RARB: variants seen among roughly 807,000 people sequenced by gnomAD.
RARB encodes the protein retinoic acid receptor beta.
RARB carries 17 observed loss-of-function variants against 51.9 expected under a neutral mutation model. The ratio of observed to expected loss-of-function variants is 0.33; its 90% CI spans 0.22 to 0.49. The LOEUF is 0.49. RARB is among the 20% of genes least tolerant of loss of function. RARB has a pLI of 0.99. For synonymous variants in RARB, 215 were observed against 195.4 expected, an observed-to-expected ratio of 1.10 and a Z score of -0.84; for missense variants, 369 against 550.8, an observed-to-expected ratio of 0.67 and a Z score of 3.30.
intron 3 of RARB, among the ~76,000 whole-genome samples, chr3:25,565,233 C>A (rs1442068179): frequency 6.6e-6 from 1 of 152,184 alleles, no homozygotes; most frequent in East Asian, 1.9e-4. Flanking sequence ...TGGCCTCAGG[C>A]AGGGTACTCA....
chr3:25,094,219 A>T (rs538157699), intron 3 of RARB, among the ~76,000 whole-genome samples: 1 of 152,184 alleles, frequency 6.6e-6, no homozygotes, highest in Non-Finnish European at 1.5e-5. Context: ...TTTCCAGCTT[A>T]TCCACTGTTA....
chr3:25,503,364 C>T (rs180758972), intron 3 of RARB, among the ~76,000 whole-genome samples: 8 of 152,266 alleles, frequency 5.3e-5, no homozygotes, highest in Admixed American at 4.6e-4. Flanking sequence ...AATTTCAGTT[C>T]AGGCTGAAAT....
At chr3:24,954,852 A>T (rs1695974066) in intron 2 of RARB, among the ~76,000 whole-genome samples, 2 of 152,008 alleles carry the variant, frequency 1.3e-5, no homozygotes, top group African/African-American at 4.8e-5. Flanking sequence ...AGGAGCTCAA[A>T]CTCCTTGCAG....
chr3:24,914,010 G>GGT (rs1695055345), intron 2 of RARB, among the ~76,000 whole-genome samples: 1 of 152,160 alleles, frequency 6.6e-6, no homozygotes, highest in Admixed American at 6.5e-5. Flanking sequence ...AGATGCAAAA[G>GGT]GTAGCCACAG....
At chr3:24,909,092 A>G (rs1032498442) in intron 2 of RARB, among the ~76,000 whole-genome samples, 9 of 152,114 alleles carry the variant, frequency 5.9e-5, no homozygotes, top group Non-Finnish European at 1.0e-4. Context: ...ACCCTAGGAG[A>G]CAGGTTATTA....
intron 5 of RARB, among the ~76,000 whole-genome samples, chr3:25,178,166 A>C (rs757415113): frequency 6.6e-6 from 1 of 152,042 alleles, no homozygotes; most frequent in South Asian, 2.1e-4. Flanking sequence ...AGAACTTTCT[A>C]CCTTAAAGAA....
intron 3 of RARB, among the ~76,000 whole-genome samples, chr3:25,542,867 T>G (rs4681027): frequency 0.065 from 9,917 of 152,292 alleles, 412 homozygotes; most frequent in Admixed American, 0.15. Flanking sequence ...AAGTGTTTAG[T>G]ATTGTTTCTG....
chr3:24,947,251 C>G (rs1695795105), intron 2 of RARB, among the ~76,000 whole-genome samples: 1 of 152,168 alleles, frequency 6.6e-6, no homozygotes, highest in Admixed American at 6.5e-5. Flanking sequence ...TATGAATGTA[C>G]TGGGAAAAGT....
At chr3:24,888,505 G>A (rs376422070) in intron 2 of RARB, among the ~76,000 whole-genome samples, 1 of 151,898 alleles carries the variant, frequency 6.6e-6, no homozygotes, top group East Asian at 1.9e-4. Flanking sequence ...ATGCATAGAA[G>A]TTAAAAGCTA....
intron 3 of RARB, among the ~76,000 whole-genome samples, chr3:25,068,735 A>G (rs952040333): frequency 1.4e-4 from 21 of 152,120 alleles, no homozygotes; most frequent in African/African-American, 5.1e-4. Flanking sequence ...GATGAATCTG[A>G]TTGAGGCAAG....
At chr3:25,122,647 G>T (rs1699802648) in intron 3 of RARB, among the ~76,000 whole-genome samples, 1 of 152,128 alleles carries the variant, frequency 6.6e-6, no homozygotes, top group South Asian at 2.1e-4. Flanking sequence ...TCATGTTCTA[G>T]CTCTATTAGT....
chr3:25,574,252 G>A (rs1236235877), intron 4 of RARB, among the ~76,000 whole-genome samples: 1 of 152,164 alleles, frequency 6.6e-6, no homozygotes, highest in Non-Finnish European at 1.5e-5. Context: ...CTACTTAGGA[G>A]TCATGTGACT....
At chr3:25,068,085 G>A (rs1698697827) in intron 3 of RARB, among the ~76,000 whole-genome samples, 1 of 125,276 alleles carries the variant, frequency 8.0e-6, no homozygotes. Context: ...AGTGAGACGA[G>A]ATTGCACCAT....
chr3:25,158,008 A>C (rs1292124559), intron 4 of RARB, among the ~76,000 whole-genome samples: 3 of 152,254 alleles, frequency 2.0e-5, no homozygotes, highest in African/African-American at 4.8e-5. Context: ...TTGACTTCAA[A>C]AGAATGCACG....
chr3:25,552,840 T>C (rs538324835), intron 3 of RARB, among the ~76,000 whole-genome samples: 2 of 152,292 alleles, frequency 1.3e-5, no homozygotes, highest in South Asian at 2.1e-4. Flanking sequence ...GAGTTGACCA[T>C]TGAAGCAGAG....
intron 5 of RARB, among the ~76,000 whole-genome samples, chr3:25,587,041 C>T (rs1414993414): frequency 6.6e-6 from 1 of 152,222 alleles, no homozygotes; most frequent in Non-Finnish European, 1.5e-5. Context: ...CAAATCCCAG[C>T]TCTGCCATTT....
intron 5 of RARB, among the ~76,000 whole-genome samples, chr3:25,278,271 C>A (rs533894770): frequency 1.3e-5 from 2 of 152,080 alleles, no homozygotes; most frequent in Admixed American, 1.3e-4. Context: ...ACTGTTTTGT[C>A]GTAAAGATTA....
chr3:24,831,503 C>T (rs917371659), intron 1 of RARB, among the ~76,000 whole-genome samples: 7 of 152,042 alleles, frequency 4.6e-5, no homozygotes, highest in Non-Finnish European at 7.4e-5. Flanking sequence ...CAACAGAAAG[C>T]GTGAAACAAA....
intron 3 of RARB, among the ~76,000 whole-genome samples, chr3:25,095,873 A>G (rs146860314): frequency 0.016 from 2,421 of 152,240 alleles, 53 homozygotes; most frequent in African/African-American, 0.051. Context: ...CTTAACTGCC[A>G]CCTTTTGTTT....
Sources: allele counts gnomAD v4.1 joint callset (sites outside exome capture counted in the v4.1 genomes callset), GRCh38; gene constraint gnomAD v4.1.1; transcripts MANE v1.5; gene names NCBI Gene and HGNC (gene_info 2026-07-23, HGNC 2026-07-21).